The following CREB5 variants were observed in gnomAD, a reference collection of about 807,000 sequenced individuals.
CREB5 encodes the protein cyclic AMP-responsive element-binding protein 5.
In CREB5, 19 loss-of-function variants were observed where a neutral mutation model predicts 57.1. The ratio of observed to expected loss-of-function variants is 0.33; its 90% CI spans 0.23 to 0.49. The LOEUF (loss-of-function observed/expected upper bound fraction) is 0.49. Ranked by LOEUF, CREB5 falls within the 20% of genes least tolerant of loss-of-function variation. The pLI is 0.99. For synonymous variants in CREB5, 238 were observed against 238.3 expected (o/e 1.00, Z 0.01); for missense variants, 579 against 671.6 (o/e 0.86, Z 1.52).
At chr7:28,322,363 G>C (rs1373789133) in intron 1 of CREB5, among the ~76,000 whole-genome samples, 1 of 152,136 alleles carries the variant, frequency 6.6e-6, no homozygotes, top group African/African-American at 2.4e-5. Context: ...CATGGAAGCA[G>C]AGTCCATTTA....
chr7:28,326,078 C>G (rs1369763140), intron 1 of CREB5, among the ~76,000 whole-genome samples: 1 of 152,136 alleles, frequency 6.6e-6, no homozygotes, highest in African/African-American at 2.4e-5. Flanking sequence ...GATATGGGCT[C>G]TAGATGTACT....
At chr7:28,445,325 A>G (rs898656025) in intron 1 of CREB5, among the ~76,000 whole-genome samples, 4 of 152,170 alleles carry the variant, frequency 2.6e-5, no homozygotes, top group Non-Finnish European at 5.9e-5. Context: ...CCTTGAAAGC[A>G]GTTATTTTTA....
intron 4 of CREB5, among the ~76,000 whole-genome samples, chr7:28,563,828 T>A (rs1260141848): frequency 2.0e-5 from 3 of 151,980 alleles, no homozygotes; most frequent in Non-Finnish European, 2.9e-5. Flanking sequence ...TTACCTGCCC[T>A]GTGTTACAGT....
In CREB5 at chr7:28,685,354, T is replaced by C. The variant is rs533640287; in HGVS notation, c.465-33399T>C. Among the ~76,000 whole-genome samples, 348 of 152,290 alleles carry C rather than the reference T, an allele frequency of 2.3e-3. 2 individuals carry two copies. The highest frequency in any genetic ancestry group is 5.4e-3 in the South Asian group (26 of 4,830). ...AGAAGTGACTGTGATTTCACAGCCC[T>C]TGGTGGCTCCAGACACGGGCACGTG... On this transcript the variant is annotated intron_variant, in intron 5 of 10. Transcript: ENST00000357727.
chr7:28,491,813 G>A (rs1562753699), intron 2 of CREB5, among the ~76,000 whole-genome samples: 3 of 152,160 alleles, frequency 2.0e-5, no homozygotes, highest in East Asian at 1.9e-4. Flanking sequence ...ATGTCCTACA[G>A]CCTGGGAACC....
chr7:28,763,567 T>G (rs930687286), intron 7 of CREB5, among the ~76,000 whole-genome samples: 1 of 152,194 alleles, frequency 6.6e-6, no homozygotes, highest in Admixed American at 6.5e-5. Flanking sequence ...CGAGTCTTGC[T>G]ACAACATATA....
At chr7:28,560,805 TGC>T (rs67632538) in intron 4 of CREB5, among the ~76,000 whole-genome samples, 28,414 of 54,404 alleles carry the variant, frequency 0.52, 9,710 homozygotes, top group East Asian at 0.72. Flanking sequence ...ACAGTGTGTG[TGC>T]GCGTGTGTGT....
intron 5 of CREB5, among the ~76,000 whole-genome samples, chr7:28,715,137 T>A (rs1171968374): frequency 6.6e-6 from 1 of 152,216 alleles, no homozygotes; most frequent in African/African-American, 2.4e-5. Flanking sequence ...TACTACTTTA[T>A]AGAAAGTCCA....
chr7:28,820,361 T>G lies in CREB5; in HGVS notation c.*1082T>G, dbSNP rs1048512170. ...TACATAATAATTCAGAAGGGCTCTA[T>G]TCACTACACAGATTACATTGTTCAA... On this transcript the variant is annotated 3_prime_UTR_variant, in exon 11 of 11. Transcript: ENST00000357727. The G allele has an allele frequency of 6.6e-6, 1 of 152,592 alleles. No homozygotes were observed. Among genetic ancestry groups the G allele is most frequent in the African/African-American group, 2.4e-5 (1 of 41,434 alleles). The allele number at this position is 152,592 out of a possible 1,614,324, so 9.5% of individuals were successfully genotyped here. A position where few individuals can be genotyped will look rare whatever the true frequency, so the allele number is the denominator to read the frequency against.
chr7:28,450,865 T>C (rs979873145), intron 1 of CREB5, among the ~76,000 whole-genome samples: 2 of 152,210 alleles, frequency 1.3e-5, no homozygotes, highest in African/African-American at 4.8e-5. Context: ...AGTAGATGCA[T>C]ATCTTTATGG....
chr7:28,702,651 C>A (rs966388391), intron 5 of CREB5, among the ~76,000 whole-genome samples: 3 of 152,164 alleles, frequency 2.0e-5, no homozygotes, highest in African/African-American at 7.2e-5. Flanking sequence ...ATAGCCCCTG[C>A]CTCCAGGGAG....
At chr7:28,772,938 C>T (rs547572299) in intron 7 of CREB5, among the ~76,000 whole-genome samples, 2 of 152,138 alleles carry the variant, frequency 1.3e-5, no homozygotes, top group Admixed American at 1.3e-4. Flanking sequence ...CTCTCGTAAC[C>T]TCCTAGATCT....
intron 7 of CREB5, among the ~76,000 whole-genome samples, chr7:28,735,813 C>CTT (rs1011298427): frequency 6.9e-6 from 1 of 144,994 alleles, no homozygotes. Context: ...CTCTCTCTCT[C>CTT]TTTTTTTTTT....
intron 1 of CREB5, among the ~76,000 whole-genome samples, chr7:28,354,926 G>A (rs1230324968): frequency 3.9e-5 from 6 of 152,204 alleles, no homozygotes; most frequent in Non-Finnish European, 7.3e-5. Flanking sequence ...GGAGCAAAAG[G>A]ATGGAAAGAG....
chr7:28,749,712 G>A (rs1804873824), intron 7 of CREB5, among the ~76,000 whole-genome samples: 1 of 152,176 alleles, frequency 6.6e-6, no homozygotes, highest in African/African-American at 2.4e-5. Flanking sequence ...CATAATGATG[G>A]AGTCAGCTGA....
intron 5 of CREB5, among the ~76,000 whole-genome samples, chr7:28,668,523 T>C (rs772737711): frequency 2.0e-5 from 3 of 152,206 alleles, no homozygotes; most frequent in Admixed American, 6.5e-5. Context: ...ATGAAATATA[T>C]GTTTTCCTGT....
intron 7 of CREB5, among the ~76,000 whole-genome samples, chr7:28,727,924 T>C (rs1022907659): frequency 6.8e-6 from 1 of 148,042 alleles, no homozygotes; most frequent in Non-Finnish European, 1.5e-5. Flanking sequence ...AACAGAGATA[T>C]TGTCCCTGTT....
At chr7:28,604,382 T>C (rs1797034393) in intron 5 of CREB5, among the ~76,000 whole-genome samples, 1 of 152,154 alleles carries the variant, frequency 6.6e-6, no homozygotes, top group African/African-American at 2.4e-5. Flanking sequence ...TAATAACCAT[T>C]TTCTTATAGA....
intron 5 of CREB5, among the ~76,000 whole-genome samples, chr7:28,581,831 C>G (rs1053443378): frequency 6.6e-6 from 1 of 152,202 alleles, no homozygotes; most frequent in Non-Finnish European, 1.5e-5. Flanking sequence ...GGCGCCATGT[C>G]TGGGTAATCA....
Sources: gnomAD v4.1 joint callset for allele counts (sites outside exome capture counted in the v4.1 genomes callset) on GRCh38, gnomAD v4.1.1 for gene constraint, MANE v1.5 for transcripts, NCBI Gene and HGNC (gene_info 2026-07-23, HGNC 2026-07-21) for gene names.